ADAM12: variants seen among roughly 807,000 people sequenced by gnomAD.
The protein encoded by ADAM12 is ADAM metallopeptidase domain 12.
Under a neutral mutation model 106.4 loss-of-function variants are expected in ADAM12, and 70 were observed. The ratio of observed to expected loss-of-function variants is 0.66; its 90% CI spans 0.54 to 0.80. The LOEUF (loss-of-function observed/expected upper bound fraction) is 0.80, where lower values mean the gene tolerates loss of function less well. Ranked by LOEUF, ADAM12 falls within the 30% of genes least tolerant of loss-of-function variation. ADAM12 has a pLI of 0.00. For synonymous variants in ADAM12, 420 were observed against 433.5 expected (o/e 0.97, Z 0.39); for missense variants, 1,010 against 1,171.9 (o/e 0.86, Z 2.02).
chr10:126,203,938 G>A (rs540280168), intron 3 of ADAM12, among the ~76,000 whole-genome samples: 4 of 92,810 alleles, frequency 4.3e-5, no homozygotes, highest in Admixed American at 1.4e-4. Context: ...GCGCGCGCGC[G>A]CGTGTGTGTG....
At chr10:126,251,464 G>C (rs1048831157) in intron 3 of ADAM12, among the ~76,000 whole-genome samples, 11 of 24,434 alleles carry the variant, frequency 4.5e-4, no homozygotes, top group Non-Finnish European at 8.8e-4. Flanking sequence ...ATGGATGGAT[G>C]GGATGGATGG....
chr10:126,263,366 T>C (rs930916873), intron 3 of ADAM12, among the ~76,000 whole-genome samples: 2 of 152,192 alleles, frequency 1.3e-5, no homozygotes, highest in African/African-American at 4.8e-5. Flanking sequence ...CCAGAGAGGT[T>C]ACTTAATTTG....
At chr10:126,316,867 C>T (rs1853896517) in intron 2 of ADAM12, among the ~76,000 whole-genome samples, 1 of 151,672 alleles carries the variant, frequency 6.6e-6, no homozygotes, top group South Asian at 2.1e-4. Context: ...TAATGTGTTC[C>T]CCCATGACAG....
At chr10:126,073,662 G>C (rs914628255) in intron 11 of ADAM12, among the ~76,000 whole-genome samples, 1 of 152,274 alleles carries the variant, frequency 6.6e-6, no homozygotes, top group Non-Finnish European at 1.5e-5. Context: ...TTCCCTCCAA[G>C]TGGTTTCTAT....
intron 3 of ADAM12, among the ~76,000 whole-genome samples, chr10:126,255,560 T>C (rs570116727): frequency 1.3e-5 from 2 of 152,246 alleles, no homozygotes; most frequent in African/African-American, 4.8e-5. Context: ...ACAGCAAAGG[T>C]TTCCAGGAAA....
At chr10:126,089,088 G>A (rs578062308) in intron 11 of ADAM12, among the ~76,000 whole-genome samples, 2 of 152,200 alleles carry the variant, frequency 1.3e-5, no homozygotes, top group East Asian at 1.9e-4. Flanking sequence ...GGACACACTC[G>A]TCAGTTGAAG....
intron 5 of ADAM12, among the ~76,000 whole-genome samples, chr10:126,119,100 T>C (rs1956040041): frequency 6.6e-6 from 1 of 152,190 alleles, no homozygotes; most frequent in African/African-American, 2.4e-5. Flanking sequence ...AGGAACCCAC[T>C]TAAGTACACA....
At chr10:126,161,042 A>G (rs1356815634) in intron 3 of ADAM12, among the ~76,000 whole-genome samples, 2 of 152,170 alleles carry the variant, frequency 1.3e-5, no homozygotes, top group South Asian at 2.1e-4. Context: ...CACCACTATT[A>G]GCCCCCATCG....
At chr10:126,136,124 A>G (rs72841013) in intron 4 of ADAM12, among the ~76,000 whole-genome samples, 18 of 113,002 alleles carry the variant, frequency 1.6e-4, no homozygotes, top group Admixed American at 7.5e-4. Flanking sequence ...GGGGGTGAAG[A>G]AGGAAGGAGG....
chr10:126,244,805 T>C (rs1565163509), intron 3 of ADAM12, among the ~76,000 whole-genome samples: 1 of 151,918 alleles, frequency 6.6e-6, no homozygotes, highest in Non-Finnish European at 1.5e-5. Flanking sequence ...GCTACTTGAG[T>C]GGGGACAGGA....
chr10:126,268,861 G>C (rs1959152700), intron 3 of ADAM12, among the ~76,000 whole-genome samples: 1 of 152,122 alleles, frequency 6.6e-6, no homozygotes, highest in Non-Finnish European at 1.5e-5. Context: ...TACAGGAAAG[G>C]TTCCCGATCC....
chr10:126,379,612 G>T (rs2133933265), intron 1 of ADAM12, among the ~76,000 whole-genome samples: 1 of 152,224 alleles, frequency 6.6e-6, no homozygotes, highest in East Asian at 1.9e-4. Context: ...GTTGATGGGT[G>T]CAGCAAACCA....
At chr10:126,071,734 AC>A in intron 11 of ADAM12, 80 bp from the exon 12 acceptor site, 1 of 1,507,904 alleles carries the variant, frequency 6.6e-7, no homozygotes, top group Non-Finnish European at 9.1e-7. Flanking sequence ...ACAAGAAGGC[AC>A]CCACTGGCCA....
rs375521130 is a variant in ADAM12 at position 126,023,890 on chromosome 10, TA to T, written c.2530-4066del. ...TCCTAGGCCTTGAAGAACTATAATT[TA>T]AAAAAGTGAACTCATGGAAAAAAAA... is the stretch of plus-strand genomic sequence containing the variant. On this transcript the variant is annotated intron_variant, in intron 21 of 22. Transcript: ENST00000448723. Among the ~76,000 whole-genome samples, 1,257 of 135,144 alleles carry T rather than the reference TA, an allele frequency of 9.3e-3. 18 individuals carry two copies. Among genetic ancestry groups the T allele is most frequent in the African/African-American group, 0.033 (1,166 of 35,150 alleles). 88.7% of individuals were successfully genotyped at this position (135,144 alleles called of 152,430 possible). A position where few individuals can be genotyped will look rare whatever the true frequency, so the allele number is the denominator to read the frequency against.
At chr10:126,284,434 T>C (rs1367284829) in intron 2 of ADAM12, among the ~76,000 whole-genome samples, 1 of 151,874 alleles carries the variant, frequency 6.6e-6, no homozygotes, top group Non-Finnish European at 1.5e-5. Flanking sequence ...TCTCATTGTC[T>C]GTCCATGCAC....
At chr10:126,051,644 G>T (rs527338063) in intron 14 of ADAM12, among the ~76,000 whole-genome samples, 269 of 148,070 alleles carry the variant, frequency 1.8e-3, no homozygotes, top group Non-Finnish European at 2.9e-3. Flanking sequence ...CATCCATCCA[G>T]CCAGCCAGCC....
chr10:126,133,226 A>G (rs1273539094), intron 5 of ADAM12, among the ~76,000 whole-genome samples: 1 of 151,916 alleles, frequency 6.6e-6, no homozygotes, highest in Admixed American at 6.6e-5. Context: ...TTTGCTCTAA[A>G]TTGTCACTTC....
At chr10:126,056,576 A>G (rs1954636381) in intron 14 of ADAM12, among the ~76,000 whole-genome samples, 1 of 152,162 alleles carries the variant, frequency 6.6e-6, no homozygotes, top group Non-Finnish European at 1.5e-5. Flanking sequence ...AGGGTTTGCA[A>G]GGAAGGTGGG....
chr10:126,347,301 G>A (rs371068411), intron 1 of ADAM12, among the ~76,000 whole-genome samples: 2 of 152,286 alleles, frequency 1.3e-5, no homozygotes, highest in African/African-American at 4.8e-5. Context: ...GGCTGGATAT[G>A]AAATTCTGGG....
Sources: allele counts gnomAD v4.1 joint callset (sites outside exome capture counted in the v4.1 genomes callset), GRCh38; gene constraint gnomAD v4.1.1; transcripts MANE v1.5; gene names NCBI Gene and HGNC (gene_info 2026-07-23, HGNC 2026-07-21).